The following ASIC2 variants were observed in gnomAD, a reference collection of about 807,000 sequenced individuals.
The protein encoded by ASIC2 is acid-sensing ion channel 2.
A neutral mutation model predicts 57.3 loss-of-function variants in ASIC2; 25 were observed. The ratio of observed to expected loss-of-function variants is 0.44; its 90% CI spans 0.32 to 0.61. The LOEUF (loss-of-function observed/expected upper bound fraction) is 0.61. ASIC2 is among the 20% of genes least tolerant of loss of function. The pLI is 0.06. For synonymous variants in ASIC2, 319 were observed against 307.5 expected (o/e 1.04, Z -0.39); for missense variants, 641 against 738.1 (o/e 0.87, Z 1.52).
At chr17:34,092,505 G>A (rs1910368826) in intron 1 of ASIC2, among the ~76,000 whole-genome samples, 2 of 152,056 alleles carry the variant, frequency 1.3e-5, no homozygotes, top group Non-Finnish European at 1.5e-5. Context: ...GAGGGAGAGG[G>A]AGCTGGTCTG....
intron 1 of ASIC2, among the ~76,000 whole-genome samples, chr17:33,349,959 A>C (rs1908095016): frequency 6.6e-6 from 1 of 152,108 alleles, no homozygotes; most frequent in Non-Finnish European, 1.5e-5. Flanking sequence ...TCTATTCATT[A>C]AGCTAATGTG....
chr17:33,690,795 A>G (rs1221463299), intron 1 of ASIC2, among the ~76,000 whole-genome samples: 3 of 130,360 alleles, frequency 2.3e-5, no homozygotes, highest in Admixed American at 8.9e-5. Flanking sequence ...TGTCACCCAG[A>G]CTGGAGTTCA....
intron 1 of ASIC2, among the ~76,000 whole-genome samples, chr17:34,072,510 T>C (rs560775543): frequency 1.2e-4 from 19 of 152,280 alleles, no homozygotes; most frequent in Admixed American, 1.0e-3. Context: ...AACTTGAATT[T>C]TTACCCCAGG....
At chr17:34,010,208 C>T (rs991115236) in intron 1 of ASIC2, among the ~76,000 whole-genome samples, 2 of 152,108 alleles carry the variant, frequency 1.3e-5, no homozygotes, top group South Asian at 4.2e-4. Flanking sequence ...TGGGCTTTAC[C>T]CAGGGCTCAG....
intron 2 of ASIC2, among the ~76,000 whole-genome samples, chr17:33,095,558 G>A (rs746636966): frequency 6.6e-6 from 1 of 152,220 alleles, no homozygotes; most frequent in Non-Finnish European, 1.5e-5. Context: ...ATGTGCCACC[G>A]AGGTGCTGAA....
At chr17:33,660,214 C>A (rs2142044149) in intron 1 of ASIC2, among the ~76,000 whole-genome samples, 1 of 152,180 alleles carries the variant, frequency 6.6e-6, no homozygotes, top group African/African-American at 2.4e-5. Flanking sequence ...TAGGACATTC[C>A]TGTACACTCT....
At chr17:33,034,354 A>T (rs181889815) in intron 3 of ASIC2, among the ~76,000 whole-genome samples, 1 of 152,232 alleles carries the variant, frequency 6.6e-6, no homozygotes, top group African/African-American at 2.4e-5. Context: ...AAATATAGTC[A>T]GGAGTGGTAG....
chr17:33,136,893 C>A (rs929133680), intron 1 of ASIC2, among the ~76,000 whole-genome samples: 3 of 152,214 alleles, frequency 2.0e-5, no homozygotes, highest in Non-Finnish European at 2.9e-5. Context: ...AGTTAGGAGT[C>A]CCAAACCTGC....
rs933679429 is a variant in ASIC2 at position 33,300,207 on chromosome 17, A to T, written c.556-188140T>A. Among the ~76,000 whole-genome samples the T allele has an allele frequency of 4.6e-5, 7 of 152,350 alleles. No individual in the cohort carries two copies. In the East Asian group the frequency reaches 7.7e-4, roughly 17 times the overall value. ...TCTTTTAGAGATACTTTATGAATAT[A>T]CATAAGTGTACATAGTCTTTATATG... On this transcript the variant is annotated intron_variant, in intron 1 of 9. Transcript: ENST00000359872.
chr17:33,211,265 T>C (rs923922925), intron 1 of ASIC2, among the ~76,000 whole-genome samples: 1 of 152,116 alleles, frequency 6.6e-6, no homozygotes, highest in East Asian at 1.9e-4. Flanking sequence ...TGGACCCAGC[T>C]TGCATAAGCT....
At chr17:33,605,521 G>A (rs1905210679) in intron 1 of ASIC2, among the ~76,000 whole-genome samples, 1 of 152,174 alleles carries the variant, frequency 6.6e-6, no homozygotes, top group Admixed American at 6.5e-5. Context: ...GCACTCTGAG[G>A]ACCGCTTTAA....
At chr17:33,768,425 AT>A (rs1475630412) in intron 1 of ASIC2, among the ~76,000 whole-genome samples, 1 of 152,150 alleles carries the variant, frequency 6.6e-6, no homozygotes, top group African/African-American at 2.4e-5. Context: ...GAGAGAATTT[AT>A]TTTTGCTTCT....
intron 1 of ASIC2, among the ~76,000 whole-genome samples, chr17:33,196,515 C>T (rs570059870): frequency 2.0e-5 from 3 of 152,282 alleles, no homozygotes; most frequent in East Asian, 3.9e-4. Flanking sequence ...GAAGAGCATA[C>T]ATAGAATTAC....
At position 33,442,076 on chromosome 17, in the gene ASIC2, TATTA is replaced by T. The variant is rs1273324915; in HGVS notation, c.556-330013_556-330010del. 5.9e-5 allele frequency among the ~76,000 whole-genome samples: 9 copies of T among 152,360 alleles called. 1 individual carries two copies. The South Asian group carries it at 1.9e-3, about 32-fold the overall frequency. Reference sequence around the variant, plus strand: ...TTTAGCACAAATAGTATTTGTCAAATATTAATTAACCAAAATGAAAGGATTAATT... The same window carrying T: ...TTTAGCACAAATAGTATTTGTCAAATATTAACCAAAATGAAAGGATTAATT... On this transcript the variant is annotated intron_variant, in intron 1 of 9. Transcript: ENST00000359872.
At position 33,823,146 on chromosome 17, in the gene ASIC2, G is replaced by A. The variant is rs75037963; in HGVS notation, c.555+332832C>T. On this transcript the variant is annotated intron_variant, in intron 1 of 9. Coordinates refer to the ASIC2 transcript ENST00000359872. The stretch of plus-strand genomic sequence containing the variant: ...TATTCTGCACCCTGTTCAGTAGTGG[G>A]GGCTTTATGCAGTCTTGCTTCTTAT... Among the ~76,000 whole-genome samples, 1,233 of 152,218 alleles carry A rather than the reference G, an allele frequency of 8.1e-3. 20 individuals are homozygous for A. Among genetic ancestry groups the A allele is most frequent in the African/African-American group, 0.028 (1,155 of 41,526 alleles).
chr17:33,920,085 G>A (rs543694978), intron 1 of ASIC2, among the ~76,000 whole-genome samples: 41 of 152,286 alleles, frequency 2.7e-4, no homozygotes, highest in African/African-American at 8.9e-4. Context: ...ATATAAATTC[G>A]TTCAGCCACT....
chr17:33,279,565 G>T (rs982666143), intron 1 of ASIC2, among the ~76,000 whole-genome samples: 2 of 152,140 alleles, frequency 1.3e-5, no homozygotes, highest in Non-Finnish European at 2.9e-5. Context: ...GAGAGGCAAT[G>T]GGAGTGAGGT....
intron 1 of ASIC2, among the ~76,000 whole-genome samples, chr17:33,467,158 C>A (rs1308988187): frequency 6.6e-6 from 1 of 152,168 alleles, no homozygotes; most frequent in East Asian, 1.9e-4. Flanking sequence ...CCAGGCTGGT[C>A]TCAAACTCCT....
chr17:33,764,845 C>A (rs1910888651), intron 1 of ASIC2, among the ~76,000 whole-genome samples: 1 of 152,050 alleles, frequency 6.6e-6, no homozygotes, highest in Non-Finnish European at 1.5e-5. Flanking sequence ...GAAACCAAGC[C>A]CCTTGTGCCC....
Sources: allele counts gnomAD v4.1 joint callset (sites outside exome capture counted in the v4.1 genomes callset), GRCh38; gene constraint gnomAD v4.1.1; transcripts MANE v1.5; gene names NCBI Gene and HGNC (gene_info 2026-07-23, HGNC 2026-07-21).